The following SYNE3 variants were observed in gnomAD, a reference collection of about 807,000 sequenced individuals.
The protein encoded by SYNE3 is spectrin repeat containing nuclear envelope family member 3, also known as nesprin-3.
A neutral mutation model predicts 111.2 loss-of-function variants in SYNE3; 100 were observed. The ratio of observed to expected loss-of-function variants is 0.90; its 90% confidence interval spans 0.77 to 1.06. The LOEUF (loss-of-function observed/expected upper bound fraction) is 1.06. Ranked by LOEUF, SYNE3 falls within the 50% of genes least tolerant of loss-of-function variation. SYNE3 has a pLI of 0.00. For missense variants in SYNE3, 1,160 were observed against 1,240.3 expected (o/e 0.94, Z 0.97); for synonymous variants, 547 against 533.9 (o/e 1.02, Z -0.34).
At chr14:95,467,993 C>A in intron 2 of SYNE3, 26 bp from the exon 3 acceptor site, 3 of 1,592,228 alleles carry the variant, frequency 1.9e-6, no homozygotes, top group Non-Finnish European at 2.6e-6. Context: ...AAGCCAGTTT[C>A]CAGGGTTGGC....
chr14:95,448,200 T>A (rs1163122529), intron 8 of SYNE3, among the ~76,000 whole-genome samples: 1 of 152,256 alleles, frequency 6.6e-6, no homozygotes, highest in Non-Finnish European at 1.5e-5. Context: ...AATATCTAAA[T>A]GGATTTAATC....
chr14:95,496,951 T>C (rs2139586527), intron 1 of SYNE3, among the ~76,000 whole-genome samples: 1 of 152,382 alleles, frequency 6.6e-6, no homozygotes, highest in Non-Finnish European at 1.5e-5. Context: ...ATTGTTTTCT[T>C]AGGGCTCTGC....
intron 1 of SYNE3, among the ~76,000 whole-genome samples, chr14:95,483,939 C>T (rs555234635): frequency 7.2e-5 from 11 of 152,314 alleles, no homozygotes; most frequent in East Asian, 1.9e-4. Flanking sequence ...TGGAGGCAAG[C>T]GGTCCCGAAG....
At chr14:95,469,393 T>C (rs1248640023) in intron 2 of SYNE3, among the ~76,000 whole-genome samples, 1 of 151,888 alleles carries the variant, frequency 6.6e-6, no homozygotes, top group Non-Finnish European at 1.5e-5. Flanking sequence ...GGTTATAATA[T>C]TAATTTTAAA....
At chr14:95,480,068 A>C (rs184756518) in intron 1 of SYNE3, among the ~76,000 whole-genome samples, 390 of 152,322 alleles carry the variant, frequency 2.6e-3, no homozygotes, top group African/African-American at 8.8e-3. Flanking sequence ...TAAATAAATA[A>C]ATAAATAAAA....
At chr14:95,507,186 T>C (rs1013949971) in intron 1 of SYNE3, among the ~76,000 whole-genome samples, 5 of 152,148 alleles carry the variant, frequency 3.3e-5, no homozygotes, top group Non-Finnish European at 5.9e-5. Flanking sequence ...TTCCCTATCA[T>C]GGAGTCACAG....
intron 1 of SYNE3, among the ~76,000 whole-genome samples, chr14:95,499,099 G>A (rs1209680758): frequency 2.0e-5 from 3 of 152,170 alleles, no homozygotes; most frequent in African/African-American, 7.2e-5. Context: ...CCATGGCCCT[G>A]CAGTGCCTGG....
chr14:95,507,811 C>A (rs1394085583), intron 1 of SYNE3, among the ~76,000 whole-genome samples: 1 of 152,208 alleles, frequency 6.6e-6, no homozygotes, highest in East Asian at 1.9e-4. Context: ...TCACCAAGTT[C>A]TCAACAGCTA....
chr14:95,473,597 C>A (rs1359795649), intron 2 of SYNE3, among the ~76,000 whole-genome samples: 1 of 152,094 alleles, frequency 6.6e-6, no homozygotes, highest in African/African-American at 2.4e-5. Flanking sequence ...AGGTCTTCTG[C>A]CAATCAAAGG....
intron 1 of SYNE3, among the ~76,000 whole-genome samples, chr14:95,479,076 T>C (rs970436975): frequency 2.6e-5 from 4 of 152,132 alleles, no homozygotes; most frequent in African/African-American, 7.2e-5. Flanking sequence ...ATCTGGAAAA[T>C]GGGGATAACA....
chr14:95,446,937 C>A (rs1241418787), intron 8 of SYNE3, among the ~76,000 whole-genome samples: 3 of 152,188 alleles, frequency 2.0e-5, no homozygotes, highest in East Asian at 3.9e-4. Context: ...GCACCTCTTG[C>A]ATTTCTAATC....
At chr14:95,457,574 C>T (rs981623157) in intron 4 of SYNE3, among the ~76,000 whole-genome samples, 1 of 152,068 alleles carries the variant, frequency 6.6e-6, no homozygotes, top group Non-Finnish European at 1.5e-5. Context: ...GGCACTGGGC[C>T]CTGTCACTAT....
rs773278706 is a variant in SYNE3 at position 95,433,284 on chromosome 14, C to T, written c.2664G>A (p.Lys888=). ...CCAGCAGGTGGCCAGAGTCCTTCAG[C>T]TTGGACTTGTACAGCATCCACTGGT... ...LRYQWMLYKS[K]LKDSGHLLTQ... The change falls in exon 16 of 18, where the codon AAG becomes AAA. Residue 888 remains lysine, a synonymous_variant. Coordinates refer to ENST00000682763, the MANE Select transcript of SYNE3 (RefSeq NM_152592.6). 16 of 1,614,062 alleles carry T rather than the reference C, an allele frequency of 9.9e-6. No homozygotes were observed. Among genetic ancestry groups the T allele is most frequent in the Non-Finnish European group, 1.1e-5 (13 of 1,179,954 alleles).
At chr14:95,457,454 G>T in intron 4 of SYNE3, 116 bp from the exon 5 acceptor site, 1 of 1,228,954 alleles carries the variant, frequency 8.1e-7, no homozygotes, top group Non-Finnish European at 1.1e-6. Context: ...GTTAGCAGGG[G>T]GTGCAACCAA....
intron 16 of SYNE3, among the ~76,000 whole-genome samples, chr14:95,432,967 A>G (rs1043575037): frequency 6.6e-6 from 1 of 152,204 alleles, no homozygotes; most frequent in Non-Finnish European, 1.5e-5. Flanking sequence ...GGGACGGTGC[A>G]CACAGGGCCC....
At chr14:95,434,421 A>G (rs7153895) in intron 15 of SYNE3, among the ~76,000 whole-genome samples, 79,646 of 151,746 alleles carry the variant, frequency 0.52, 21,726 homozygotes, top group African/African-American at 0.7. Flanking sequence ...CTGCAGAGGT[A>G]GAGATTCTGA....
intron 1 of SYNE3, among the ~76,000 whole-genome samples, chr14:95,494,278 G>C (rs932068071): frequency 5.9e-5 from 9 of 152,306 alleles, no homozygotes; most frequent in Admixed American, 2.0e-4. Flanking sequence ...TAAATGCAGA[G>C]GCACAGAGCC....
At position 95,439,070 on chromosome 14, in the gene SYNE3, A is replaced by G; in HGVS notation, c.2339T>C (p.Ile780Thr). ...TNNIPKSGFL[I>T]NPMDPIPRHR... ...CCTGGGAATAGGATCCATGGGATTG[A>G]TGAGAAATCCTGACTTTGGGATGTT... is the stretch of plus-strand genomic sequence containing the variant. Residue 780 changes from isoleucine to threonine, a missense_variant, in exon 14 of 18, where the codon ATC becomes ACC. Transcript: ENST00000682763. 6.2e-7 allele frequency: 1 copy of G among 1,614,250 alleles called. No homozygotes were observed. Among genetic ancestry groups the G allele is most frequent in the Non-Finnish European group, 8.5e-7 (1 of 1,180,042 alleles).
chr14:95,424,382 A>G (rs1885323299), intron 17 of SYNE3, among the ~76,000 whole-genome samples: 1 of 152,090 alleles, frequency 6.6e-6, no homozygotes, highest in South Asian at 2.1e-4. Context: ...ACAGGCTTGG[A>G]AGGAGGTGCC....
Sources: allele counts gnomAD v4.1 joint callset (sites outside exome capture counted in the v4.1 genomes callset), GRCh38; gene constraint gnomAD v4.1.1; transcripts MANE v1.5; gene names NCBI Gene and HGNC (gene_info 2026-07-23, HGNC 2026-07-21).